The following ASIC2 variants were observed in gnomAD, a reference collection of about 807,000 sequenced individuals.
ASIC2 encodes acid-sensing ion channel 2.
ASIC2 carries 25 observed loss-of-function variants against 57.3 expected under a neutral mutation model. The ratio of observed to expected loss-of-function variants is 0.44; its 90% confidence interval spans 0.32 to 0.61. The LOEUF is 0.61. Among genes scored for constraint, ASIC2 ranks in the 20% least tolerant of loss-of-function variants. The pLI is 0.06. For synonymous variants in ASIC2, 319 were observed against 307.5 expected (o/e 1.04, Z -0.39); for missense variants, 641 against 738.1 (o/e 0.87, Z 1.52).
At chr17:34,111,212 C>A (rs8082426) in intron 1 of ASIC2, among the ~76,000 whole-genome samples, 2 of 149,938 alleles carry the variant, frequency 1.3e-5, no homozygotes, top group African/African-American at 4.9e-5. Flanking sequence ...GGCAACATAG[C>A]GAGACTCCAT....
At chr17:33,918,000 C>T (rs918962583) in intron 1 of ASIC2, among the ~76,000 whole-genome samples, 3 of 151,832 alleles carry the variant, frequency 2.0e-5, no homozygotes, top group Non-Finnish European at 4.4e-5. Context: ...TACTGAATAA[C>T]GTGAACTCTC....
chr17:33,849,377 T>C (rs1182150036), intron 1 of ASIC2, among the ~76,000 whole-genome samples: 2 of 152,168 alleles, frequency 1.3e-5, no homozygotes, highest in East Asian at 3.9e-4. Flanking sequence ...GAGGTACAGA[T>C]CATTATCATT....
chr17:34,045,771 A>G (rs978345184), intron 1 of ASIC2, among the ~76,000 whole-genome samples: 9 of 152,192 alleles, frequency 5.9e-5, no homozygotes, highest in African/African-American at 1.9e-4. Flanking sequence ...GGAAGAAGAA[A>G]ACTGGGGTAG....
At chr17:33,286,281 C>T (rs1355235473) in intron 1 of ASIC2, among the ~76,000 whole-genome samples, 1 of 152,210 alleles carries the variant, frequency 6.6e-6, no homozygotes, top group Non-Finnish European at 1.5e-5. Flanking sequence ...AAGGTTAACT[C>T]TTGCAGAGGG....
intron 1 of ASIC2, among the ~76,000 whole-genome samples, chr17:33,355,685 T>C (rs570957788): frequency 1.3e-5 from 2 of 152,372 alleles, no homozygotes; most frequent in Non-Finnish European, 2.9e-5. Flanking sequence ...AAATGTTTGC[T>C]GAATTGGATT....
At chr17:34,072,968 G>A (rs1344486015) in intron 1 of ASIC2, among the ~76,000 whole-genome samples, 3 of 152,100 alleles carry the variant, frequency 2.0e-5, no homozygotes, top group Non-Finnish European at 4.4e-5. Flanking sequence ...GACACATAGA[G>A]TCAATGAGAA....
intron 1 of ASIC2, among the ~76,000 whole-genome samples, chr17:33,750,183 G>A (rs917182541): frequency 3.3e-5 from 5 of 152,178 alleles, no homozygotes; most frequent in African/African-American, 9.7e-5. Context: ...AGGAGGTCAG[G>A]TGAGGGGTGA....
chr17:34,030,751 C>A (rs1319920268), intron 1 of ASIC2, among the ~76,000 whole-genome samples: 1 of 152,198 alleles, frequency 6.6e-6, no homozygotes, highest in African/African-American at 2.4e-5. Context: ...CGGAGTCTTG[C>A]TCATTGCTAG....
intron 1 of ASIC2, among the ~76,000 whole-genome samples, chr17:34,144,718 T>C (rs1460811437): frequency 6.6e-6 from 1 of 152,230 alleles, no homozygotes; most frequent in African/African-American, 2.4e-5. Flanking sequence ...AACCTACACC[T>C]GTCTGGCACT....
chr17:33,368,731 C>T (rs1200665463), intron 1 of ASIC2, among the ~76,000 whole-genome samples: 1 of 152,138 alleles, frequency 6.6e-6, no homozygotes, highest in Admixed American at 6.5e-5. Flanking sequence ...TTGGACTTTG[C>T]TTCTTTGGCC....
chr17:34,039,748 A>G, intron 1 of ASIC2: 1 of 1,612,116 alleles, frequency 6.2e-7, no homozygotes, highest in South Asian at 1.1e-5. Context: ...CAAGGATCCG[A>G]CGCTGCACAA....
Position 33,247,127 on chromosome 17 carries a change from C to A in ASIC2, c.708+44281G>T, listed in dbSNP as rs572170332. The stretch of plus-strand genomic sequence containing the variant: ...TAGAGCGTTTATTAAGGTTTCATTA[C>A]ATTTGAAAATAATGTGTGAGCCACA... On this transcript the variant is annotated intron_variant, in intron 1 of 9. Transcript: ENST00000225823. Among the ~76,000 whole-genome samples the A allele has an allele frequency of 5.3e-5, 8 of 152,328 alleles. No individual in the cohort carries two copies. In the South Asian group the frequency reaches 1.7e-3, roughly 32 times the overall value.
intron 1 of ASIC2, among the ~76,000 whole-genome samples, chr17:33,163,227 G>A (rs1437735962): frequency 3.3e-5 from 5 of 152,208 alleles, no homozygotes; most frequent in Admixed American, 3.3e-4. Flanking sequence ...ACAAGGAGCA[G>A]TTTTCAAGGC....
chr17:33,275,801 C>T (rs916116887), intron 1 of ASIC2, among the ~76,000 whole-genome samples: 1 of 152,138 alleles, frequency 6.6e-6, no homozygotes, highest in Non-Finnish European at 1.5e-5. Flanking sequence ...GGGAAGACCA[C>T]GGGGTTGCAG....
intron 1 of ASIC2, among the ~76,000 whole-genome samples, chr17:33,337,617 G>A (rs943447087): frequency 2.0e-4 from 31 of 152,340 alleles, no homozygotes; most frequent in Admixed American, 3.3e-4. Flanking sequence ...TGTTTGCTCT[G>A]CCACTGGCAC....
At chr17:33,580,437 T>G (rs1236165904) in intron 1 of ASIC2, among the ~76,000 whole-genome samples, 1 of 152,156 alleles carries the variant, frequency 6.6e-6, no homozygotes, top group Non-Finnish European at 1.5e-5. Flanking sequence ...ACAGGTGGCA[T>G]CAGTATCATG....
At chr17:33,715,831 A>C (rs1448981098) in intron 1 of ASIC2, among the ~76,000 whole-genome samples, 1 of 152,324 alleles carries the variant, frequency 6.6e-6, no homozygotes, top group East Asian at 1.9e-4. Flanking sequence ...TGTCAGGAGA[A>C]GAGCCAAACC....
At chr17:33,873,056 C>A (rs908041102) in intron 1 of ASIC2, among the ~76,000 whole-genome samples, 1 of 152,160 alleles carries the variant, frequency 6.6e-6, no homozygotes, top group Non-Finnish European at 1.5e-5. Flanking sequence ...AAAAACCCAA[C>A]GCAGAACTCC....
At chr17:33,881,882 A>G (rs1914708719) in intron 1 of ASIC2, among the ~76,000 whole-genome samples, 1 of 152,226 alleles carries the variant, frequency 6.6e-6, no homozygotes, top group Non-Finnish European at 1.5e-5. Flanking sequence ...ACAGTAACCA[A>G]CACAGCAAGG....
Sources: gnomAD v4.1 joint callset for allele counts (sites outside exome capture counted in the v4.1 genomes callset) on GRCh38, gnomAD v4.1.1 for gene constraint, MANE v1.5 for transcripts, NCBI Gene and HGNC (gene_info 2026-07-23, HGNC 2026-07-21) for gene names.